The following AK9 variants were observed in gnomAD, a reference collection of about 807,000 sequenced individuals.
AK9 encodes adenylate kinase 9.
A neutral mutation model predicts 239.6 loss-of-function variants in AK9; 191 were observed. The ratio of observed to expected loss-of-function variants is 0.80; its 90% CI spans 0.71 to 0.90. The LOEUF is 0.90. Ranked by LOEUF, AK9 falls within the 40% of genes least tolerant of loss-of-function variation. The pLI is 0.00. For missense variants in AK9, 1,995 were observed against 2,214.7 expected, an observed-to-expected ratio of 0.90 and a Z score of 1.99; for synonymous variants, 689 against 721.0, an observed-to-expected ratio of 0.96 and a Z score of 0.71.
chr6:109,582,026 A>G (rs150758200), intron 19 of AK9, among the ~76,000 whole-genome samples: 1 of 152,330 alleles, frequency 6.6e-6, no homozygotes, highest in East Asian at 1.9e-4. Context: ...ATGCCAGTAC[A>G]TCTGTTTACA....
chr6:109,602,758 G>T (rs891480730), intron 17 of AK9, among the ~76,000 whole-genome samples: 2 of 152,082 alleles, frequency 1.3e-5, no homozygotes, highest in Non-Finnish European at 2.9e-5. Flanking sequence ...TTTCTTGGAG[G>T]CTTTGTTCAT....
intron 40 of AK9, 106 bp downstream of exon 40, chr6:109,493,869 CTCTCTT>C (rs1776771942): frequency 2.5e-6 from 2 of 791,650 alleles, no homozygotes; most frequent in African/African-American, 1.7e-5. Context: ...TACTAACACT[CTCTCTT>C]TCTCTCTCAC....
rs139655227 is a variant in AK9, at chr6:109,540,479, C to T, written c.3350+1568G>A. On this transcript the variant is annotated intron_variant, in intron 27 of 40. Transcript: ENST00000424296. ...GCACAGTATTAGGGTGGGAGTGACCCGATTTTCCAGGTGCCATCTGTCACA... is the reference window on the plus strand; with the variant it reads ...GCACAGTATTAGGGTGGGAGTGACCTGATTTTCCAGGTGCCATCTGTCACA... Among the ~76,000 whole-genome samples, 741 of 152,238 alleles carry T rather than the reference C, an allele frequency of 4.9e-3. 7 individuals carry two copies. The highest frequency in any genetic ancestry group is 0.017 in the Middle Eastern group (5 of 294).
intron 10 of AK9, among the ~76,000 whole-genome samples, chr6:109,640,387 C>G (rs1797253999): frequency 6.6e-6 from 1 of 152,148 alleles, no homozygotes; most frequent in Non-Finnish European, 1.5e-5. Context: ...CTTGCACTTC[C>G]TGGGTAAGGC....
At chr6:109,544,798 AT>A (rs1783322898) in intron 26 of AK9, among the ~76,000 whole-genome samples, 2 of 151,076 alleles carry the variant, frequency 1.3e-5, no homozygotes, top group Non-Finnish European at 3.0e-5. Context: ...AGAAATTAAT[AT>A]TTTGAGATCT....
At chr6:109,512,107 T>C (rs1778813884) in intron 32 of AK9, among the ~76,000 whole-genome samples, 3 of 151,960 alleles carry the variant, frequency 2.0e-5, no homozygotes, top group African/African-American at 7.3e-5. Context: ...AGACAGAAGG[T>C]CAGCACAAGA....
chr6:109,666,703 C>G (rs1801245072), intron 5 of AK9, among the ~76,000 whole-genome samples: 1 of 152,206 alleles, frequency 6.6e-6, no homozygotes, highest in African/African-American at 2.4e-5. Flanking sequence ...AGATGGCAGA[C>G]TACTGCTTTC....
intron 35 of AK9, among the ~76,000 whole-genome samples, chr6:109,500,977 A>T (rs1367891223): frequency 6.7e-6 from 1 of 149,214 alleles, no homozygotes; most frequent in Non-Finnish European, 1.5e-5. Flanking sequence ...ACTGCACTCC[A>T]GGCTGGGCAA....
intron 1 of AK9, among the ~76,000 whole-genome samples, chr6:109,686,422 C>A (rs1773519617): frequency 6.6e-6 from 1 of 152,200 alleles, no homozygotes; most frequent in African/African-American, 2.4e-5. Context: ...TTGCAGGCCT[C>A]TTTAGTTTTC....
Position 109,564,113 on chromosome 6 carries a change from C to T in AK9, c.2602G>A (p.Glu868Lys), listed in dbSNP as rs1786159775. The T allele has an allele frequency of 6.4e-7, 1 of 1,551,158 alleles. No individual in the cohort carries two copies. The highest frequency in any genetic ancestry group is 1.2e-5 in the South Asian group (1 of 83,998). ...NLEIADRTPQ[E>K]LLQKVVETME... ...GTCTCAACTACTTTTTGAAGTAATTCCTGTGGAGTTCTGTCAGCAATCTCC... is the reference window on the plus strand; with the variant it reads ...GTCTCAACTACTTTTTGAAGTAATTTCTGTGGAGTTCTGTCAGCAATCTCC... The change falls in exon 23 of 41, where the codon GAA (glutamate) becomes AAA (lysine). Residue 868 changes from glutamate to lysine, a missense_variant. Transcript: ENST00000424296.
At position 109,635,089 on chromosome 6, in the gene AK9, C is replaced by T. The variant is rs547877199; in HGVS notation, c.934-1766G>A. On this transcript the variant is annotated intron_variant, in intron 10 of 40. Coordinates refer to ENST00000424296, the MANE Select transcript of AK9 (RefSeq NM_001145128.3). Reference sequence around the variant, plus strand: ...AATTTATGTTTGCTGCTTCCTAAAACCTCACTAAAATGACAGTAGAAGAAT... The same window carrying T: ...AATTTATGTTTGCTGCTTCCTAAAATCTCACTAAAATGACAGTAGAAGAAT... 1.7e-4 allele frequency among the ~76,000 whole-genome samples: 26 copies of T among 152,130 alleles called. No homozygotes were observed. In the South Asian group the frequency reaches 5.2e-3, roughly 30 times the overall value.
In AK9 at chr6:109,602,156, T is replaced by G. The variant is rs572809680; in HGVS notation, c.1842+8209A>C. Among the ~76,000 whole-genome samples, 5 of 152,318 alleles carry G rather than the reference T, an allele frequency of 3.3e-5. No individual in the cohort carries two copies. The South Asian group carries it at 1.0e-3, about 32-fold the overall frequency. ...GTTATTTTGCTCATTAGTTGATAGTTTCTTCCTAGCATCAGTGGTCTTTAC... is the reference window on the plus strand; with the variant it reads ...GTTATTTTGCTCATTAGTTGATAGTGTCTTCCTAGCATCAGTGGTCTTTAC... On this transcript the variant is annotated intron_variant, in intron 17 of 40. Transcript: ENST00000424296.
rs547380983 is a variant in AK9 at position 109,675,561 on chromosome 6, A to C, written c.117+68T>G. 1.4e-5 allele frequency: 15 copies of C among 1,040,510 alleles called. No individual in the cohort carries two copies. The African/African-American group carries it at 2.5e-4, about 17-fold the overall frequency. 64.5% of individuals were successfully genotyped at this position (1,040,510 alleles called of 1,614,324 possible). On this transcript the variant is annotated intron_variant, in intron 2 of 40. Coordinates refer to ENST00000424296, the MANE Select transcript of AK9 (RefSeq NM_001145128.3). Reference sequence around the variant, plus strand: ...CACAATATGTGGTTTTTATTTTTATATGGTAACTTAGAAAATTGTGATTTT... The same window carrying C: ...CACAATATGTGGTTTTTATTTTTATCTGGTAACTTAGAAAATTGTGATTTT...
chr6:109,633,180 T>C lies in AK9; in HGVS notation c.1073+4A>G, dbSNP rs201757833. The C allele has an allele frequency of 7.6e-5, 120 of 1,582,282 alleles. 1 individual carries two copies. In the South Asian group the frequency reaches 8.7e-4, roughly 11 times the overall value. The stretch of plus-strand genomic sequence containing the variant: ...TAAAATTAAGTTCTGAAAATCTTAC[T>C]TACCTCACAGAATAATCTGGTAATC... On this transcript the variant is annotated splice_donor_region_variant and intron_variant, in intron 11 of 40. Coordinates refer to ENST00000424296, the MANE Select transcript of AK9 (RefSeq NM_001145128.3).
Position 109,577,868 on chromosome 6 carries a change from CTTT to C in AK9, c.2191+1679_2191+1681del, listed in dbSNP as rs1264285616. On this transcript the variant is annotated intron_variant, in intron 20 of 40. Transcript: ENST00000424296. Reference sequence around the variant, plus strand: ...CCTTCCTCTCTCTTTTTCTTTCTTTCTTTTTCTTTCCTTCTTTCCTTCTCTCTC... The same window carrying C: ...CCTTCCTCTCTCTTTTTCTTTCTTTCTTCTTTCCTTCTTTCCTTCTCTCTC... Among the ~76,000 whole-genome samples the C allele has an allele frequency of 1.2e-4, 17 of 146,964 alleles. No individual in the cohort carries two copies. The East Asian group carries it at 3.5e-3, about 30-fold the overall frequency.
chr6:109,602,713 C>G (rs2128230694), intron 17 of AK9, among the ~76,000 whole-genome samples: 1 of 152,344 alleles, frequency 6.6e-6, no homozygotes, highest in East Asian at 1.9e-4. Context: ...GTACACCAAT[C>G]AGACGTAGAT....
intron 17 of AK9, among the ~76,000 whole-genome samples, chr6:109,594,121 C>T (rs1029286005): frequency 1.6e-4 from 24 of 152,154 alleles, no homozygotes; most frequent in African/African-American, 5.3e-4. Flanking sequence ...AGACCCCCAT[C>T]GTCTCAGCCC....
At chr6:109,579,729 A>G in intron 19 of AK9, 103 bp from the exon 20 acceptor site, 1 of 965,352 alleles carries the variant, frequency 1.0e-6, no homozygotes, top group Admixed American at 3.3e-5. Flanking sequence ...ATTAAATCTT[A>G]TTATACTTAC....
chr6:109,519,894 T>C (rs1779661822), intron 29 of AK9, among the ~76,000 whole-genome samples: 1 of 151,112 alleles, frequency 6.6e-6, no homozygotes, highest in Non-Finnish European at 1.5e-5. Flanking sequence ...GCTGCATGTA[T>C]GTCTTCTTTT....
Sources: allele counts gnomAD v4.1 joint callset (sites outside exome capture counted in the v4.1 genomes callset), GRCh38; gene constraint gnomAD v4.1.1; transcripts MANE v1.5; gene names NCBI Gene and HGNC (gene_info 2026-07-23, HGNC 2026-07-21).